Variants in IL2RA observed in about 807,000 individuals in gnomAD.
The protein encoded by IL2RA is interleukin-2 receptor subunit alpha.
A neutral mutation model predicts 37.8 loss-of-function variants in IL2RA; 24 were observed. The observed-to-expected ratio is 0.63, with a 90% CI of 0.46 to 0.89. The LOEUF is 0.89. IL2RA is among the 40% of genes least tolerant of loss of function. IL2RA has a pLI of 0.00. For missense variants in IL2RA, 319 were observed against 348.6 expected (o/e 0.92, Z 0.68); for synonymous variants, 125 against 114.6 (o/e 1.09, Z -0.58).
At position 6,014,244 on chromosome 10, in the gene IL2RA, T is replaced by C. The variant is rs748005224; in HGVS notation, c.795-1348A>G. ...TAGCACATCACGGGCTCCTGGTCAT[T>C]GCCCGAAACAAACAAAAAATATTTC... On this transcript the variant is annotated intron_variant, in intron 7 of 7. Transcript: ENST00000379959. The surrounding 1 kb of genome is among the most constrained non-coding windows in gnomAD (Gnocchi z 4.4). Among the ~76,000 whole-genome samples the C allele has an allele frequency of 6.6e-5, 10 of 152,196 alleles. No homozygotes were observed.
rs906040676 is a variant in IL2RA at position 6,014,640 on chromosome 10, C to T, written c.795-1744G>A. On this transcript the variant is annotated intron_variant, in intron 7 of 7. Transcript: ENST00000379959. The surrounding 1 kb of genome is among the most constrained non-coding windows in gnomAD (Gnocchi z 4.4). ...GTTCAGCCTGAGGAAGGAGAGGATGCAAGTACTGAGTACACGTACAACATG... is the reference window on the plus strand; with the variant it reads ...GTTCAGCCTGAGGAAGGAGAGGATGTAAGTACTGAGTACACGTACAACATG... 1.3e-5 allele frequency among the ~76,000 whole-genome samples: 2 copies of T among 152,160 alleles called. No individual in the cohort carries two copies. Among genetic ancestry groups the T allele is most frequent in the Non-Finnish European group, 2.9e-5 (2 of 68,036 alleles).
Position 6,024,345 on chromosome 10 carries a change from T to C in IL2RA, c.266A>G (p.Asn89Ser). ...QCQCTSSATR[N>S]TTKQVTPQPE... ...TTGAGGTGTCACTTGTTTCGTTGTG[T>C]TCCGAGTGGCTAGAAAATATAGATG... Residue 89 changes from asparagine (N) to serine (S), a missense_variant, in exon 3 of 8, where the codon AAC becomes AGC. By Grantham distance (46) the Asn-to-Ser change is conservative (BLOSUM62 1). Coordinates refer to ENST00000379959, the MANE Select transcript of IL2RA (RefSeq NM_000417.3). 1 of 1,611,146 alleles carries C rather than the reference T, an allele frequency of 6.2e-7. No individual in the cohort carries two copies. The highest frequency in any genetic ancestry group is 8.5e-7 in the Non-Finnish European group (1 of 1,177,300).
chr10:6,025,190 CT>C lies in IL2RA; in HGVS notation c.256+643del, dbSNP rs1292507486. Among the ~76,000 whole-genome samples the C allele has an allele frequency of 1.3e-5, 2 of 151,568 alleles. No homozygotes were observed. The highest frequency in any genetic ancestry group is 6.6e-5 in the Admixed American group (1 of 15,200). On this transcript the variant is annotated intron_variant, in intron 2 of 7. Transcript: ENST00000379959. This position sits in a 1 kb window ranked among gnomAD's most constrained non-coding sequence, Gnocchi z 4.4. Reference sequence around the variant, plus strand: ...CCAACATGGCGAAACCCCATCTTTGCTAAAAATAAAAAAATTAGCCAGGCAT... The same window carrying C: ...CCAACATGGCGAAACCCCATCTTTGCAAAAATAAAAAAATTAGCCAGGCAT...
At position 6,062,178 on chromosome 10, in the gene IL2RA, G is replaced by A. The variant is rs992479892; in HGVS notation, c.-27C>T. ...TTCCTGACCCTTGGGACCAGCCGGGGCAGTGAAGCGGAGGTCTTTCTCTGC... is the reference window on the plus strand; with the variant it reads ...TTCCTGACCCTTGGGACCAGCCGGGACAGTGAAGCGGAGGTCTTTCTCTGC... On this transcript the variant is annotated 5_prime_UTR_variant, in exon 1 of 8. Transcript: ENST00000379959. 6.2e-7 allele frequency: 1 copy of A among 1,604,296 alleles called. No individual in the cohort carries two copies. Among genetic ancestry groups the A allele is most frequent in the African/African-American group, 1.3e-5 (1 of 74,846 alleles).
rs1263137010 is a variant in IL2RA, at chr10:6,029,864, A to G, written c.65-3839T>C. 1.3e-5 allele frequency among the ~76,000 whole-genome samples: 2 copies of G among 152,080 alleles called. No individual in the cohort carries two copies. Among genetic ancestry groups the G allele is most frequent in the African/African-American group, 2.4e-5 (1 of 41,498 alleles). On this transcript the variant is annotated intron_variant, in intron 1 of 7. Coordinates refer to ENST00000379959, the MANE Select transcript of IL2RA (RefSeq NM_000417.3). The surrounding 1 kb of genome is among the most constrained non-coding windows in gnomAD (Gnocchi z 4.6). ...GGATTACGGGCACATGCCATCATAC[A>G]TGGCTAATTTTTGTATTTTTAGTAG...
rs1365216321 is a variant in IL2RA at position 6,036,814 on chromosome 10, T to C, written c.65-10789A>G. Among the ~76,000 whole-genome samples the C allele has an allele frequency of 6.6e-6, 1 of 151,288 alleles. No individual in the cohort carries two copies. The highest frequency in any genetic ancestry group is 1.5e-5 in the Non-Finnish European group (1 of 68,040). ...CATTTTAGAGAGCGGACACCACTGC[T>C]GAAGAAGAAGGATATCCCGGTTGGC... On this transcript the variant is annotated intron_variant, in intron 1 of 7. Coordinates refer to ENST00000379959, the MANE Select transcript of IL2RA (RefSeq NM_000417.3). The surrounding 1 kb of genome is among the most constrained non-coding windows in gnomAD (Gnocchi z 6.1).
rs747494493 is a variant in IL2RA, at chr10:6,048,767, A to G, written c.64+13321T>C. Among the ~76,000 whole-genome samples, 6 of 152,202 alleles carry G rather than the reference A, an allele frequency of 3.9e-5. No homozygotes were observed. The highest frequency in any genetic ancestry group is 8.8e-5 in the Non-Finnish European group (6 of 68,034). On this transcript the variant is annotated intron_variant, in intron 1 of 7. Transcript: ENST00000379959. This position sits in a 1 kb window ranked among gnomAD's most constrained non-coding sequence, Gnocchi z 5.3. ...CACATAAACCCAATGCTGTCTCTCC[A>G]AAGTACAAGCCATGCCCTGACTGAG...
intron 1 of IL2RA, among the ~76,000 whole-genome samples, chr10:6,043,005 C>T (rs1313119338): frequency 6.6e-6 from 1 of 152,154 alleles, no homozygotes; most frequent in Non-Finnish European, 1.5e-5. Context: ...TCAGTGATCT[C>T]ACTTCTAGGT....
chr10:6,038,243 A>C (rs1839720854), intron 1 of IL2RA, among the ~76,000 whole-genome samples: 1 of 152,154 alleles, frequency 6.6e-6, no homozygotes, highest in Admixed American at 6.5e-5. Context: ...CTTTTCACCT[A>C]TCTGTTGAAG....
At chr10:6,031,433 G>C (rs1182514539) in intron 1 of IL2RA, among the ~76,000 whole-genome samples, 1 of 105,320 alleles carries the variant, frequency 9.5e-6, no homozygotes, top group African/African-American at 3.5e-5. Flanking sequence ...TAGCAAGTTA[G>C]CAATTTCAGT....
chr10:6,034,058 AT>A (rs1839641905), intron 1 of IL2RA, among the ~76,000 whole-genome samples: 1 of 152,296 alleles, frequency 6.6e-6, no homozygotes, highest in Middle Eastern at 3.4e-3. Context: ...AAGGAAACAA[AT>A]TGTCTTGGAA....
At position 6,022,072 on chromosome 10, in the gene IL2RA, G is replaced by A. The variant is rs954129394; in HGVS notation, c.368-379C>T. On this transcript the variant is annotated intron_variant, in intron 3 of 7. Coordinates refer to ENST00000379959, the MANE Select transcript of IL2RA (RefSeq NM_000417.3). The surrounding 1 kb of genome is among the most constrained non-coding windows in gnomAD (Gnocchi z 4.7). ...GTGTTGACAGTGGACAGGAGTGGGCGGGGCAGTCTCAGCTGAGACACAAGG... is the reference window on the plus strand; with the variant it reads ...GTGTTGACAGTGGACAGGAGTGGGCAGGGCAGTCTCAGCTGAGACACAAGG... Among the ~76,000 whole-genome samples, 4 of 151,976 alleles carry A rather than the reference G, an allele frequency of 2.6e-5. No homozygotes were observed. The highest frequency in any genetic ancestry group is 2.1e-4 in the South Asian group (1 of 4,820).
rs1839878991 is a variant in IL2RA at position 6,047,307 on chromosome 10, CTGTG to C, written c.64+14777_64+14780del. Among the ~76,000 whole-genome samples, 1 of 152,186 alleles carries C rather than the reference CTGTG, an allele frequency of 6.6e-6. No individual in the cohort carries two copies. Among genetic ancestry groups the C allele is most frequent in the South Asian group, 2.1e-4 (1 of 4,820 alleles). ...ATGCTGGTGGGGTCAGGAGTGTGGC[CTGTG>C]CCACACTCAGAACGCGGGATGAACA... On this transcript the variant is annotated intron_variant, in intron 1 of 7. Transcript: ENST00000379959. This position sits in a 1 kb window ranked among gnomAD's most constrained non-coding sequence, Gnocchi z 5.0.
rs1448784423 is a variant in IL2RA, at chr10:6,057,628, A to C, written c.64+4460T>G. On this transcript the variant is annotated intron_variant, in intron 1 of 7. Coordinates refer to ENST00000379959, the MANE Select transcript of IL2RA (RefSeq NM_000417.3). The surrounding 1 kb of genome is among the most constrained non-coding windows in gnomAD (Gnocchi z 4.8). Reference sequence around the variant, plus strand: ...CTTTGGCCCACTTTCTGCTTCCTGCAAGGTTTATTTTCCTGCTAATTCTAT... The same window carrying C: ...CTTTGGCCCACTTTCTGCTTCCTGCCAGGTTTATTTTCCTGCTAATTCTAT... Among the ~76,000 whole-genome samples, 1 of 152,038 alleles carries C rather than the reference A, an allele frequency of 6.6e-6. No homozygotes were observed. Among genetic ancestry groups the C allele is most frequent in the Non-Finnish European group, 1.5e-5 (1 of 68,012 alleles).
At position 6,047,940 on chromosome 10, in the gene IL2RA, C is replaced by T. The variant is rs1462521263; in HGVS notation, c.64+14148G>A. Among the ~76,000 whole-genome samples the T allele has an allele frequency of 1.3e-5, 2 of 152,192 alleles. No homozygotes were observed. Among genetic ancestry groups the T allele is most frequent in the Non-Finnish European group, 2.9e-5 (2 of 68,036 alleles). Reference sequence around the variant, plus strand: ...TCTTCTCATCTCCGTTCTCTAGAGGCAGGAACTAAGGCACAGAGAGGCCCA... The same window carrying T: ...TCTTCTCATCTCCGTTCTCTAGAGGTAGGAACTAAGGCACAGAGAGGCCCA... On this transcript the variant is annotated intron_variant, in intron 1 of 7. Transcript: ENST00000379959. This position sits in a 1 kb window ranked among gnomAD's most constrained non-coding sequence, Gnocchi z 5.0.
chr10:6,016,772 G>C (rs4747837), intron 7 of IL2RA, among the ~76,000 whole-genome samples: 128,232 of 152,060 alleles, frequency 0.84, 54,200 homozygotes, highest in Middle Eastern at 0.92. Flanking sequence ...CAGGGTTTCA[G>C]CATGTTGTCC....
intron 1 of IL2RA, among the ~76,000 whole-genome samples, chr10:6,030,903 C>T (rs572151370): frequency 6.6e-6 from 1 of 151,868 alleles, no homozygotes; most frequent in South Asian, 2.1e-4. Flanking sequence ...GAAAATGGTA[C>T]AATATTAAGT....
In IL2RA at chr10:6,036,005, G is replaced by C. The variant is rs938399124; in HGVS notation, c.65-9980C>G. 1 of 152,298 alleles carries C rather than the reference G, an allele frequency of 6.6e-6. No homozygotes were observed. Among genetic ancestry groups the C allele is most frequent in the African/African-American group, 2.4e-5 (1 of 41,442 alleles). 9.4% of individuals were successfully genotyped at this position (152,298 alleles called of 1,614,324 possible). A position where few individuals can be genotyped will look rare whatever the true frequency, so the allele number is the denominator to read the frequency against. On this transcript the variant is annotated intron_variant, in intron 1 of 7. Coordinates refer to ENST00000379959, the MANE Select transcript of IL2RA (RefSeq NM_000417.3). This position sits in a 1 kb window ranked among gnomAD's most constrained non-coding sequence, Gnocchi z 6.1. ...TTTTGCCTTGTCTGGCTGACGCCTT[G>C]GCAATCGCAAGTGACAGTGACGGAG... is the stretch of plus-strand genomic sequence containing the variant.
Position 6,056,600 on chromosome 10 carries a change from A to T in IL2RA, c.64+5488T>A, listed in dbSNP as rs181947705. ...AAACCCCCTCTCTACTAAAATTACA[A>T]AAAAGGAGCCAGGCATGGTGGTGCA... On this transcript the variant is annotated intron_variant, in intron 1 of 7. Coordinates refer to ENST00000379959, the MANE Select transcript of IL2RA (RefSeq NM_000417.3). The surrounding 1 kb of genome is among the most constrained non-coding windows in gnomAD (Gnocchi z 5.0). 6.6e-6 allele frequency among the ~76,000 whole-genome samples: 1 copy of T among 152,126 alleles called. No individual in the cohort carries two copies. Among genetic ancestry groups the T allele is most frequent in the South Asian group, 2.1e-4 (1 of 4,814 alleles).
Sources: allele counts gnomAD v4.1 joint callset (sites outside exome capture counted in the v4.1 genomes callset), GRCh38; gene constraint gnomAD v4.1.1; non-coding constraint Gnocchi (gnomAD v3.1); transcripts MANE v1.5; gene names NCBI Gene and HGNC (gene_info 2026-07-23, HGNC 2026-07-21).